Variants in SGCD observed in about 807,000 individuals in gnomAD.
The protein encoded by SGCD is delta-sarcoglycan.
SGCD carries 18 observed loss-of-function variants against 36.6 expected under a neutral mutation model. The ratio of observed to expected loss-of-function variants is 0.49; its 90% CI spans 0.34 to 0.73. SGCD has a LOEUF of 0.73. Among genes scored for constraint, SGCD ranks in the 30% least tolerant of loss-of-function variants. The probability of loss-of-function intolerance (pLI) is 0.01; values close to 1 mark genes in which losing one functional copy is unlikely to be tolerated. For synonymous variants in SGCD, 133 were observed against 130.6 expected, an observed-to-expected ratio of 1.02 and a Z score of -0.12; for missense variants, 387 against 346.7, an observed-to-expected ratio of 1.12 and a Z score of -0.92.
chr5:156,332,888 C>A (rs1473424423), intron 2 of SGCD, among the ~76,000 whole-genome samples: 2 of 152,144 alleles, frequency 1.3e-5, no homozygotes, highest in Non-Finnish European at 2.9e-5. Context: ...CAAAGATGTT[C>A]AGATTTGTAA....
At chr5:156,755,474 C>T (rs992287806) in intron 7 of SGCD, among the ~76,000 whole-genome samples, 8 of 152,160 alleles carry the variant, frequency 5.3e-5, no homozygotes, top group Non-Finnish European at 1.2e-4. Flanking sequence ...CTTCATATCT[C>T]AAAAGTGAGA....
At chr5:155,805,209 G>A in the SGCD span, among the ~76,000 whole-genome samples, 3 of 152,138 alleles carry the variant, frequency 2.0e-5, no homozygotes, top group African/African-American at 7.2e-5. Flanking sequence ...AGTAAGACTT[G>A]GCATATTGGA....
At chr5:156,265,622 A>G (rs1765978403) in intron 3 of SGCD, among the ~76,000 whole-genome samples, 1 of 150,830 alleles carries the variant, frequency 6.6e-6, no homozygotes, top group South Asian at 2.1e-4. Context: ...TATTATTATA[A>G]TTTAATAATA....
At chr5:156,104,145 ACC>A (rs1761587391) in intron 1 of SGCD, among the ~76,000 whole-genome samples, 1 of 152,066 alleles carries the variant, frequency 6.6e-6, no homozygotes, top group South Asian at 2.1e-4. Flanking sequence ...TTCTCTCTGG[ACC>A]ACATACTGGT....
intron 7 of SGCD, among the ~76,000 whole-genome samples, chr5:156,740,401 G>A (rs1756611054): frequency 6.6e-6 from 1 of 152,226 alleles, no homozygotes; most frequent in Non-Finnish European, 1.5e-5. Flanking sequence ...TGAAGAAATT[G>A]TTTGAAAAAT....
intron 1 of SGCD, among the ~76,000 whole-genome samples, chr5:156,054,413 C>G (rs1262372189): frequency 7.0e-6 from 1 of 142,952 alleles, no homozygotes; most frequent in Non-Finnish European, 1.6e-5. Flanking sequence ...AGCCTCCCAA[C>G]TACCTGGGAC....
chr5:156,566,115 T>C (rs1759469080), intron 4 of SGCD, among the ~76,000 whole-genome samples: 2 of 152,082 alleles, frequency 1.3e-5, no homozygotes, highest in South Asian at 4.1e-4. Context: ...TCACTGGTCA[T>C]TAGAGAAATG....
intron 1 of SGCD, among the ~76,000 whole-genome samples, chr5:155,941,045 T>C (rs939864391): frequency 1.3e-5 from 2 of 151,990 alleles, no homozygotes; most frequent in African/African-American, 2.4e-5. Flanking sequence ...AGTCCAAGAT[T>C]AAGAAACTGC....
intron 1 of SGCD, among the ~76,000 whole-genome samples, chr5:155,887,755 A>G (rs1413759474): frequency 6.6e-6 from 1 of 152,178 alleles, no homozygotes; most frequent in African/African-American, 2.4e-5. Flanking sequence ...CATTTACCAG[A>G]CTTCTAAGCT....
At chr5:156,260,167 C>G (rs111794416) in intron 3 of SGCD, among the ~76,000 whole-genome samples, 22 of 152,198 alleles carry the variant, frequency 1.4e-4, no homozygotes, top group African/African-American at 4.6e-4. Context: ...TTATAGAGAG[C>G]CTTTAAATAA....
chr5:156,515,375 T>C (rs886166508), intron 4 of SGCD, among the ~76,000 whole-genome samples: 1 of 152,102 alleles, frequency 6.6e-6, no homozygotes, highest in Admixed American at 6.5e-5. Flanking sequence ...AGATGGTTGA[T>C]TAGAAGCAGC....
chr5:156,394,096 T>A (rs1275553204), intron 3 of SGCD, among the ~76,000 whole-genome samples: 1 of 152,076 alleles, frequency 6.6e-6, no homozygotes, highest in Admixed American at 6.6e-5. Context: ...ATATGTGGAG[T>A]AGGAACTGAG....
At chr5:156,365,625 CATATACACAG>C (rs1770055521) in intron 3 of SGCD, among the ~76,000 whole-genome samples, 2 of 152,102 alleles carry the variant, frequency 1.3e-5, no homozygotes, top group East Asian at 1.9e-4. Flanking sequence ...TATACACATA[CATATACACAG>C]ATATACACAG....
intron 1 of SGCD, among the ~76,000 whole-genome samples, chr5:155,983,182 G>A (rs189095547): frequency 1.6e-3 from 247 of 152,282 alleles, no homozygotes; most frequent in South Asian, 0.012. Context: ...TGTATAACAG[G>A]CACTGTAGAA....
At chr5:156,478,926 T>C (rs1362651911) in intron 3 of SGCD, among the ~76,000 whole-genome samples, 1 of 152,008 alleles carries the variant, frequency 6.6e-6, no homozygotes, top group African/African-American at 2.4e-5. Flanking sequence ...CTTAGTCCTT[T>C]CTGGTAATTC....
intron 1 of SGCD, among the ~76,000 whole-genome samples, chr5:155,890,855 G>GGGT (rs1245712031): frequency 2.0e-5 from 3 of 152,024 alleles, no homozygotes; most frequent in Non-Finnish European, 4.4e-5. Context: ...TCATTGTCTG[G>GGGT]GGTGGTGGTG....
intron 1 of SGCD, among the ~76,000 whole-genome samples, chr5:156,105,427 C>T (rs1429890420): frequency 6.6e-6 from 1 of 152,068 alleles, no homozygotes; most frequent in African/African-American, 2.4e-5. Flanking sequence ...ATTTAATGGG[C>T]AAGTAAATAA....
At position 156,133,965 on chromosome 5, in the gene SGCD, T is replaced by C. The variant is rs1762391964; in HGVS notation, c.-44+9946T>C. 2.0e-5 allele frequency among the ~76,000 whole-genome samples: 3 copies of C among 148,446 alleles called. No individual in the cohort carries two copies. The South Asian group carries it at 6.3e-4, about 31-fold the overall frequency. On this transcript the variant is annotated intron_variant, in intron 3 of 9. Transcript: ENST00000517913. ...CACACACACACACACACACACAGTT[T>C]CTCTCTGTCTCTCTCCAACACAAGA...
intron 4 of SGCD, among the ~76,000 whole-genome samples, chr5:156,524,238 A>T (rs549272461): frequency 4.1e-4 from 55 of 135,656 alleles, no homozygotes; most frequent in African/African-American, 1.3e-3. Context: ...AGAGAGTAAT[A>T]TATATAGTTA....
Sources: allele counts gnomAD v4.1 joint callset (sites outside exome capture counted in the v4.1 genomes callset), GRCh38; gene constraint gnomAD v4.1.1; transcripts MANE v1.5; gene names NCBI Gene and HGNC (gene_info 2026-07-23, HGNC 2026-07-21).